The following SPIDR variants were observed in gnomAD, a reference collection of about 807,000 sequenced individuals.
SPIDR encodes scaffold protein involved in DNA repair.
A neutral mutation model predicts 104.6 loss-of-function variants in SPIDR; 93 were observed. The ratio of observed to expected loss-of-function variants is 0.89; its 90% confidence interval spans 0.75 to 1.06. The LOEUF is 1.06. Ranked by LOEUF, SPIDR falls within the 50% of genes least tolerant of loss-of-function variation. SPIDR has a pLI of 0.00. For synonymous variants in SPIDR, 431 were observed against 416.9 expected, an observed-to-expected ratio of 1.03 and a Z score of -0.41; for missense variants, 1,154 against 1,111.2, an observed-to-expected ratio of 1.04 and a Z score of -0.55.
rs928210146 is a variant in SPIDR, at chr8:47,636,020, A to C, written c.1544+36824A>C. Reference sequence around the variant, plus strand: ...TATGCTTCACTTTACTGCACTTTGCAGATAGAGCATTTATTTACTACTTGA... The same window carrying C: ...TATGCTTCACTTTACTGCACTTTGCCGATAGAGCATTTATTTACTACTTGA... On this transcript the variant is annotated intron_variant, in intron 10 of 19. Transcript: ENST00000297423. Among the ~76,000 whole-genome samples, 3 of 152,348 alleles carry C rather than the reference A, an allele frequency of 2.0e-5. No individual in the cohort carries two copies. The East Asian group carries it at 5.8e-4, about 29-fold the overall frequency.
chr8:47,603,903 C>T (rs983509305), intron 10 of SPIDR, among the ~76,000 whole-genome samples: 8 of 152,152 alleles, frequency 5.3e-5, no homozygotes, highest in South Asian at 2.1e-4. Context: ...TGTTTTACTC[C>T]TCTTTTTGGT....
At chr8:47,644,555 A>G (rs1005876362) in intron 10 of SPIDR, among the ~76,000 whole-genome samples, 1 of 152,204 alleles carries the variant, frequency 6.6e-6, no homozygotes, top group Non-Finnish European at 1.5e-5. Flanking sequence ...ATCATTTTCA[A>G]TTGGTTTGTA....
At chr8:47,317,857 C>G (rs2045713474) in intron 5 of SPIDR, among the ~76,000 whole-genome samples, 2 of 152,158 alleles carry the variant, frequency 1.3e-5, no homozygotes, top group Non-Finnish European at 2.9e-5. Flanking sequence ...GGACCTCCAG[C>G]AAACTCCAGC....
chr8:47,452,318 T>C (rs933081118), intron 8 of SPIDR, among the ~76,000 whole-genome samples: 2 of 152,148 alleles, frequency 1.3e-5, no homozygotes, highest in Non-Finnish European at 2.9e-5. Flanking sequence ...AGCACTGGGA[T>C]GATGTATTTA....
intron 10 of SPIDR, 82 bp downstream of exon 10, chr8:47,599,278 A>G (rs901564991): frequency 1.8e-5 from 28 of 1,546,602 alleles, no homozygotes; most frequent in Non-Finnish European, 2.3e-5. Flanking sequence ...CTCTTCTCAG[A>G]GCACGTTCTT....
intron 10 of SPIDR, among the ~76,000 whole-genome samples, chr8:47,655,807 G>A (rs6473597): frequency 1 from 151,856 of 152,278 alleles, 75,721 homozygotes; most frequent in Middle Eastern, 1. Context: ...GCCCATGCCT[G>A]TGTCCTGAAT....
intron 1 of SPIDR, chr8:47,277,214 C>T (rs1386711327): frequency 6.6e-6 from 1 of 152,192 alleles, no homozygotes; most frequent in Non-Finnish European, 1.5e-5. Flanking sequence ...AGGCGTGAGC[C>T]ACCGCGCCTG....
intron 5 of SPIDR, among the ~76,000 whole-genome samples, chr8:47,312,815 G>T (rs1192995507): frequency 2.0e-5 from 3 of 152,144 alleles, no homozygotes; most frequent in African/African-American, 7.2e-5. Flanking sequence ...GTCCTGAATG[G>T]TATTGCCTAG....
At chr8:47,435,577 G>T (rs189627888) in intron 7 of SPIDR, among the ~76,000 whole-genome samples, 83 of 151,836 alleles carry the variant, frequency 5.5e-4, no homozygotes, top group African/African-American at 1.8e-3. Context: ...TTTCTTAATC[G>T]TTTAACATCT....
At chr8:47,283,948 G>C in intron 2 of SPIDR, 80 bp from the exon 3 acceptor site, 1 of 1,077,358 alleles carries the variant, frequency 9.3e-7, no homozygotes, top group Non-Finnish European at 1.4e-6. Context: ...GGAGAGTGTA[G>C]TTTAAGATTT....
At chr8:47,515,929 C>G (rs1424532892) in intron 8 of SPIDR, among the ~76,000 whole-genome samples, 1 of 152,192 alleles carries the variant, frequency 6.6e-6, no homozygotes, top group Admixed American at 6.5e-5. Context: ...CCTGCCTCAG[C>G]CTCCTGAGTA....
chr8:47,487,805 A>G (rs2077943534), intron 8 of SPIDR, among the ~76,000 whole-genome samples: 1 of 152,234 alleles, frequency 6.6e-6, no homozygotes, highest in Admixed American at 6.5e-5. Flanking sequence ...CTTTGAAACC[A>G]ACGAGAACAA....
intron 14 of SPIDR, among the ~76,000 whole-genome samples, chr8:47,709,271 G>C (rs1360227824): frequency 6.6e-6 from 1 of 152,178 alleles, no homozygotes; most frequent in East Asian, 1.9e-4. Flanking sequence ...CTCCCGAGTA[G>C]CTGGAATTAC....
intron 19 of SPIDR, among the ~76,000 whole-genome samples, chr8:47,734,090 G>C (rs988639483): frequency 1.3e-5 from 2 of 152,148 alleles, no homozygotes; most frequent in African/African-American, 4.8e-5. Flanking sequence ...TTCATTCTGT[G>C]CACAGAACTC....
chr8:47,392,069 T>C (rs1383229627), intron 5 of SPIDR, among the ~76,000 whole-genome samples: 4 of 151,502 alleles, frequency 2.6e-5, no homozygotes, highest in Non-Finnish European at 4.4e-5. Flanking sequence ...AAGTACAAAT[T>C]TTAAAATATT....
intron 8 of SPIDR, among the ~76,000 whole-genome samples, chr8:47,506,883 G>A (rs2081567796): frequency 6.6e-6 from 1 of 152,122 alleles, no homozygotes; most frequent in Non-Finnish European, 1.5e-5. Flanking sequence ...GTTGTTCCTA[G>A]CAAGTTGACA....
intron 11 of SPIDR, among the ~76,000 whole-genome samples, chr8:47,675,366 G>GTT (rs2076293724): frequency 1.3e-5 from 2 of 152,132 alleles, no homozygotes; most frequent in African/African-American, 4.8e-5. Flanking sequence ...ACTTCCTCTT[G>GTT]TTTGTAAACA....
chr8:47,506,837 G>A (rs1467126999), intron 8 of SPIDR, among the ~76,000 whole-genome samples: 12 of 152,108 alleles, frequency 7.9e-5, no homozygotes, highest in Non-Finnish European at 1.2e-4. Context: ...GTAATTAACC[G>A]GTTATTATGT....
chr8:47,680,867 G>A (rs1337441634), intron 11 of SPIDR, among the ~76,000 whole-genome samples: 4 of 152,218 alleles, frequency 2.6e-5, no homozygotes, highest in Non-Finnish European at 5.9e-5. Flanking sequence ...CAGCACTTTG[G>A]GAGGCCGAGA....
Sources: allele counts gnomAD v4.1 joint callset (sites outside exome capture counted in the v4.1 genomes callset), GRCh38; gene constraint gnomAD v4.1.1; transcripts MANE v1.5; gene names NCBI Gene and HGNC (gene_info 2026-07-23, HGNC 2026-07-21).